Variants in ZNF433 observed in about 807,000 individuals in gnomAD.
ZNF433 encodes zinc finger protein 433.
ZNF433 carries 12 observed loss-of-function variants against 10.6 expected under a neutral mutation model. The ratio of observed to expected loss-of-function variants is 1.13; its 90% confidence interval spans 0.72 to 1.83. The LOEUF (loss-of-function observed/expected upper bound fraction) is 1.83, where lower values mean the gene tolerates loss of function less well. ZNF433 is among the 40% of genes most tolerant of loss of function. The pLI, the probability that ZNF433 is intolerant of heterozygous loss-of-function variation, is 0.00. For synonymous variants in ZNF433, 272 were observed against 271.3 expected (o/e 1.00, Z -0.02); for missense variants, 737 against 798.0 (o/e 0.92, Z 0.92).
At chr19:12,017,741 T>TTA (rs1786296747) in intron 3 of ZNF433, 135 bp downstream of exon 3, 1 of 662,164 alleles carries the variant, frequency 1.5e-6, no homozygotes, top group East Asian at 2.9e-5. Context: ...CAATATGTGT[T>TTA]TAGAGAAAAT....
At chr19:12,023,047 C>T (rs1974571531) in intron 1 of ZNF433, 1 of 152,242 alleles carries the variant, frequency 6.6e-6, no homozygotes, top group South Asian at 2.1e-4. Flanking sequence ...ACTATAGCTA[C>T]ATTTGAGCCT....
At chr19:12,029,366 C>T (rs1214200310) in intron 1 of ZNF433, among the ~76,000 whole-genome samples, 1 of 151,452 alleles carries the variant, frequency 6.6e-6, no homozygotes, top group African/African-American at 2.4e-5. Context: ...ACTAAAAATA[C>T]AAAAATTAGC....
chr19:12,017,495 G>A (rs904422709), intron 3 of ZNF433, among the ~76,000 whole-genome samples: 46 of 152,218 alleles, frequency 3.0e-4, no homozygotes, highest in Non-Finnish European at 6.6e-4. Flanking sequence ...GAGCCACCAC[G>A]CCTGGCGTCT....
chr19:12,029,067 C>T (rs1443881703), intron 1 of ZNF433, among the ~76,000 whole-genome samples: 1 of 152,042 alleles, frequency 6.6e-6, no homozygotes. Flanking sequence ...GTAAAGATGT[C>T]ATATGTCCTT....
At chr19:12,023,241 C>G (rs1344388498) in intron 1 of ZNF433, 1 of 152,216 alleles carries the variant, frequency 6.6e-6, no homozygotes, top group Non-Finnish European at 1.5e-5. Flanking sequence ...GGAACCCCCA[C>G]AAAAAGTTCC....
intron 1 of ZNF433, 101 bp from the exon 2 acceptor site, chr19:12,018,393 A>G: frequency 2.2e-6 from 3 of 1,382,090 alleles, no homozygotes; most frequent in African/African-American, 1.5e-5. Flanking sequence ...GTGGACTCAA[A>G]ACAATTATTC....
At chr19:12,032,022 T>G (rs1975060044) in intron 1 of ZNF433, among the ~76,000 whole-genome samples, 1 of 144,400 alleles carries the variant, frequency 6.9e-6, no homozygotes, top group Non-Finnish European at 1.5e-5. Flanking sequence ...CACCGCAACC[T>G]CTGCCTCCCA....
Position 12,014,732 on chromosome 19 carries a change from T to C in ZNF433, c.*113A>G. The C allele has an allele frequency of 1.3e-6, 1 of 799,294 alleles. No homozygotes were observed. Among genetic ancestry groups the C allele is most frequent in the Non-Finnish European group, 1.9e-6 (1 of 538,258 alleles). 49.5% of individuals were successfully genotyped at this position (799,294 alleles called of 1,614,324 possible). ...AACTGCCATTACCACCAACTGGAAG[T>C]CTTTTTATTTATTTATTTAATTTTT... On this transcript the variant is annotated 3_prime_UTR_variant, in exon 4 of 4. Coordinates refer to ENST00000550507, the MANE Select transcript of ZNF433 (RefSeq NM_001308348.2).
chr19:12,035,485 C>T, intron 1 of ZNF433, 52 bp downstream of exon 1: 1 of 1,556,756 alleles, frequency 6.4e-7, no homozygotes, highest in Non-Finnish European at 8.7e-7. Context: ...CGGTTCCGGC[C>T]GGTTCCAACC....
At chr19:12,035,405 G>T in intron 1 of ZNF433, 132 bp downstream of exon 1, 1 of 1,314,734 alleles carries the variant, frequency 7.6e-7, no homozygotes, top group Non-Finnish European at 1.0e-6. Context: ...ACCAAGGGCC[G>T]AGCTGTCCCA....
In ZNF433 at chr19:12,014,737, T is replaced by G; in HGVS notation, c.*108A>C. Reference sequence around the variant, plus strand: ...CCATTACCACCAACTGGAAGTCTTTTTATTTATTTATTTAATTTTTATAAC... The same window carrying G: ...CCATTACCACCAACTGGAAGTCTTTGTATTTATTTATTTAATTTTTATAAC... On this transcript the variant is annotated 3_prime_UTR_variant, in exon 4 of 4. Transcript: ENST00000550507. The G allele has an allele frequency of 1.2e-6, 1 of 838,496 alleles. No homozygotes were observed. The highest frequency in any genetic ancestry group is 1.7e-6 in the Non-Finnish European group (1 of 572,010). 51.9% of individuals were successfully genotyped at this position (838,496 alleles called of 1,614,324 possible).
At chr19:12,024,382 C>T (rs1168314462) in intron 1 of ZNF433, 1 of 152,248 alleles carries the variant, frequency 6.6e-6, no homozygotes, top group African/African-American at 2.4e-5. Flanking sequence ...CTGCAATAAA[C>T]AACCTGCAGC....
At chr19:12,018,649 G>A (rs1974334861) in intron 1 of ZNF433, 1 of 167,784 alleles carries the variant, frequency 6.0e-6, no homozygotes, top group Non-Finnish European at 1.2e-5. Flanking sequence ...CAGTCCTGAG[G>A]CTGCATATCC....
intron 1 of ZNF433, chr19:12,027,036 A>G (rs754869214): frequency 2.2e-5 from 10 of 449,156 alleles, no homozygotes; most frequent in Non-Finnish European, 4.4e-5. Context: ...ATAAAAAAGC[A>G]TCTAGAAGGA....
In ZNF433 at chr19:12,015,547, ATG is replaced by A. The variant is rs1216085065; in HGVS notation, c.1309_1310del (p.His437TrpfsTer2). The A allele has an allele frequency of 6.2e-7, 1 of 1,613,740 alleles. No individual in the cohort carries two copies. The highest frequency in any genetic ancestry group is 8.5e-7 in the Non-Finnish European group (1 of 1,179,964). ...AFRSASLLQTHGRTHTGEKPY... is the reference protein window; with the variant it reads ...AFRSASLLQTXGRTHTGEKPY... ...GTTTCTCTCCCGTGTGAGTCCTACC[ATG>A]TGTTTGAAGGAGTGAGGCAGATCTG... On this transcript the variant is annotated frameshift_variant, in exon 4 of 4. Coordinates refer to ENST00000550507, the MANE Select transcript of ZNF433 (RefSeq NM_001308348.2). LOFTEE classifies it low-confidence loss of function (END_TRUNC).
rs1374583054 is a variant in ZNF433, at chr19:12,015,594, T to A, written c.1264A>T (p.Lys422Ter). The change falls in exon 4 of 4, where the codon AAG becomes TAG. Residue 422 changes from lysine (K) to a stop codon, truncating the protein, a stop_gained. Coordinates refer to ENST00000550507, the MANE Select transcript of ZNF433 (RefSeq NM_001308348.2). LOFTEE classifies it low-confidence loss of function (END_TRUNC). ...THTGEKPYEC[K>*]QCGKAFRSAS... ...GATCTGAAGGCTTTCCCACATTGCTTACACTCGTAAGGTTTCTCTCCAGTG... is the reference window on the plus strand; with the variant it reads ...GATCTGAAGGCTTTCCCACATTGCTAACACTCGTAAGGTTTCTCTCCAGTG... 6.2e-7 allele frequency: 1 copy of A among 1,614,120 alleles called. No individual in the cohort carries two copies. The highest frequency in any genetic ancestry group is 8.5e-7 in the Non-Finnish European group (1 of 1,180,022).
At position 12,016,366 on chromosome 19, in the gene ZNF433, C is replaced by T; in HGVS notation, c.492G>A (p.Arg164=). The T allele has an allele frequency of 5.0e-6, 8 of 1,614,162 alleles. No homozygotes were observed. The highest frequency in any genetic ancestry group is 6.8e-6 in the Non-Finnish European group (8 of 1,180,028). The stretch of plus-strand genomic sequence containing the variant: ...CGCATTCCTCACAAACATAGAGTTT[C>T]CTTCCACTATGAGCCCTTTCATGTG... The part of the protein sequence containing the change: ...VQTHERAHSG[R]KLYVCEECGK... The change falls in exon 4 of 4, where the codon AGG becomes AGA. Residue 164 remains arginine (R), a synonymous_variant. Coordinates refer to ENST00000550507, the MANE Select transcript of ZNF433 (RefSeq NM_001308348.2).
rs776566310 is a variant in ZNF433 at position 12,018,298 on chromosome 19, A to C, written c.4-6T>G. ...TCCTCAAAGGCCACTGAATCCTGAA[A>C]CATCTCACATGTATAGAGGAGGATG... On this transcript the variant is annotated splice_region_variant and splice_polypyrimidine_tract_variant and intron_variant, in intron 1 of 3. Coordinates refer to ENST00000550507, the MANE Select transcript of ZNF433 (RefSeq NM_001308348.2). 4 of 1,613,138 alleles carry C rather than the reference A, an allele frequency of 2.5e-6. No individual in the cohort carries two copies. The highest frequency in any genetic ancestry group is 3.3e-5 in the Admixed American group (2 of 59,718).
chr19:12,027,214 A>G, intron 1 of ZNF433: 1 of 397,306 alleles, frequency 2.5e-6, no homozygotes, highest in Non-Finnish European at 4.8e-6. Context: ...CTGTGATTTC[A>G]ATGATGATTG....
Sources: allele counts gnomAD v4.1 joint callset (sites outside exome capture counted in the v4.1 genomes callset), GRCh38; gene constraint gnomAD v4.1.1; transcripts MANE v1.5; gene names NCBI Gene and HGNC (gene_info 2026-07-23, HGNC 2026-07-21).